Variants in RASGEF1A observed in about 807,000 individuals in gnomAD.
RASGEF1A encodes the protein ras-GEF domain-containing family member 1A.
Under a neutral mutation model 56.4 loss-of-function variants are expected in RASGEF1A, and 18 were observed. The ratio of observed to expected loss-of-function variants is 0.32; its 90% CI spans 0.22 to 0.47. RASGEF1A has a LOEUF of 0.47. RASGEF1A is among the 20% of genes least tolerant of loss of function. RASGEF1A has a pLI of 1.00. For synonymous variants in RASGEF1A, 245 were observed against 242.6 expected (o/e 1.01, Z -0.09); for missense variants, 422 against 627.1 (o/e 0.67, Z 3.49).
At chr10:43,236,049 T>C (rs1346818357) in intron 1 of RASGEF1A, among the ~76,000 whole-genome samples, 1 of 152,050 alleles carries the variant, frequency 6.6e-6, no homozygotes, top group Non-Finnish European at 1.5e-5. Context: ...GGACAGCACA[T>C]GGAAATAGGG....
chr10:43,242,698 G>A (rs945328997), intron 1 of RASGEF1A, among the ~76,000 whole-genome samples: 1 of 152,134 alleles, frequency 6.6e-6, no homozygotes, highest in Admixed American at 6.5e-5. Flanking sequence ...ACTCTTGACT[G>A]GTTTTTGTAT....
In RASGEF1A at chr10:43,257,345, C is replaced by T. The variant is rs543794186; in HGVS notation, c.-7+9500G>A. ...CTGGGCCCACTTGTGTCTAGACACC[C>T]CTCACCAGGTGGGCAGCTCATCAGC... is the stretch of plus-strand genomic sequence containing the variant. On this transcript the variant is annotated intron_variant, in intron 1 of 12. Transcript: ENST00000395810. 2.0e-5 allele frequency among the ~76,000 whole-genome samples: 3 copies of T among 152,368 alleles called. 1 individual carries two copies. In the South Asian group the frequency reaches 6.2e-4, roughly 32 times the overall value.
chr10:43,197,432 G>A lies in RASGEF1A; in HGVS notation c.1225-333C>T, dbSNP rs1050193731. Among the ~76,000 whole-genome samples, 10 of 152,282 alleles carry A rather than the reference G, an allele frequency of 6.6e-5. No individual in the cohort carries two copies. The East Asian group carries it at 1.5e-3, about 24-fold the overall frequency. On this transcript the variant is annotated intron_variant, in intron 10 of 12. Transcript: ENST00000395810. ...GCACCCCATCCAAACCCAGCCCAGC[G>A]GCGCCAACCAGAACGTGTCATGATG... is the stretch of plus-strand genomic sequence containing the variant.
chr10:43,247,082 T>C (rs1455712962), intron 1 of RASGEF1A, among the ~76,000 whole-genome samples: 1 of 152,242 alleles, frequency 6.6e-6, no homozygotes, highest in African/African-American at 2.4e-5. Context: ...GATAAAAAGA[T>C]AGCCCAGTTA....
At chr10:43,232,241 G>C (rs1840380003) in intron 1 of RASGEF1A, among the ~76,000 whole-genome samples, 1 of 152,162 alleles carries the variant, frequency 6.6e-6, no homozygotes, top group African/African-American at 2.4e-5. Flanking sequence ...CATCCCCTCG[G>C]TGCTATTCTC....
chr10:43,252,620 G>C (rs1453636576), intron 1 of RASGEF1A, among the ~76,000 whole-genome samples: 1 of 152,138 alleles, frequency 6.6e-6, no homozygotes, highest in African/African-American at 2.4e-5. Flanking sequence ...GTGACTGTGA[G>C]GCAGACACAG....
chr10:43,197,214 C>A (rs1040142472), intron 10 of RASGEF1A, 115 bp from the exon 11 acceptor site: 2 of 1,244,400 alleles, frequency 1.6e-6, no homozygotes, highest in South Asian at 1.4e-5. Flanking sequence ...CTGGTCCCAG[C>A]AAGATGGGAC....
At chr10:43,254,696 G>A (rs10899787) in intron 1 of RASGEF1A, among the ~76,000 whole-genome samples, 24,746 of 152,164 alleles carry the variant, frequency 0.16, 2,778 homozygotes, top group East Asian at 0.51. Flanking sequence ...AAGTCTCTGT[G>A]GTCACAGGCA....
chr10:43,251,602 C>T, intron 1 of RASGEF1A, among the ~76,000 whole-genome samples: 1 of 152,216 alleles, frequency 6.6e-6, no homozygotes, highest in African/African-American at 2.4e-5. Context: ...CCACAGCCCA[C>T]ACCACCTCAC....
At chr10:43,249,218 T>G (rs1840599646) in intron 1 of RASGEF1A, among the ~76,000 whole-genome samples, 1 of 152,206 alleles carries the variant, frequency 6.6e-6, no homozygotes. Flanking sequence ...AGCCAAGACC[T>G]GTAGCCATCT....
chr10:43,196,221 T>C lies in RASGEF1A; in HGVS notation c.*23A>G. 6.2e-7 allele frequency: 1 copy of C among 1,611,700 alleles called. No individual in the cohort carries two copies. Among genetic ancestry groups the C allele is most frequent in the South Asian group, 1.1e-5 (1 of 90,854 alleles). ...ACCCAGTTAGTGCACGTGCTTCCTCTGGCGTCGCGGGCTGCATCCGCCTCA... is the reference window on the plus strand; with the variant it reads ...ACCCAGTTAGTGCACGTGCTTCCTCCGGCGTCGCGGGCTGCATCCGCCTCA... On this transcript the variant is annotated 3_prime_UTR_variant, in exon 13 of 13. Transcript: ENST00000395810. This position sits in a 1 kb window ranked among gnomAD's most constrained non-coding sequence, Gnocchi z 4.6.
chr10:43,198,905 G>A (rs771447957), intron 9 of RASGEF1A, 28 bp downstream of exon 9: 4 of 1,571,144 alleles, frequency 2.5e-6, no homozygotes, highest in Admixed American at 1.8e-5. Flanking sequence ...GGTGCAGCTC[G>A]CAGCTGTGAC....
intron 1 of RASGEF1A, chr10:43,209,197 C>G: frequency 6.1e-6 from 6 of 985,444 alleles, no homozygotes; most frequent in Non-Finnish European, 7.2e-6. Context: ...CACCGATGGC[C>G]AGGGTGCTGA....
intron 7 of RASGEF1A, 114 bp downstream of exon 7, chr10:43,199,562 G>A: frequency 1.2e-6 from 1 of 830,474 alleles, no homozygotes; most frequent in Non-Finnish European, 2.0e-6. Flanking sequence ...CAATGCAACA[G>A]GGACTTTGTG....
intron 2 of RASGEF1A, 135 bp from the exon 3 acceptor site, chr10:43,203,555 G>C: frequency 7.3e-7 from 1 of 1,368,658 alleles, no homozygotes; most frequent in Admixed American, 3.1e-5. Context: ...TCACCTGCCC[G>C]GTTCCCTTCG....
rs117051084 is a variant in RASGEF1A, at chr10:43,245,395, T to C, written c.-7+21450A>G. On this transcript the variant is annotated intron_variant, in intron 1 of 12. Transcript: ENST00000395810. ...ATCCCTTACAATGTCCTTCAAAAAA[T>C]AGAATACAAAGCACTAACCAATTCA... Among the ~76,000 whole-genome samples, 1,290 of 152,236 alleles carry C rather than the reference T, an allele frequency of 8.5e-3. 11 individuals carry two copies. The highest frequency in any genetic ancestry group is 0.013 in the Admixed American group (201 of 15,288).
chr10:43,255,239 C>T (rs924262735), intron 1 of RASGEF1A, among the ~76,000 whole-genome samples: 1 of 152,200 alleles, frequency 6.6e-6, no homozygotes, highest in African/African-American at 2.4e-5. Flanking sequence ...GCCCCAGCGC[C>T]CTCCAGGCCC....
rs1454990780 is a variant in RASGEF1A, at chr10:43,267,064, G to A, written c.-226C>T. 8 of 150,906 alleles carry A rather than the reference G, an allele frequency of 5.3e-5. No homozygotes were observed. The highest frequency in any genetic ancestry group is 1.5e-4 in the African/African-American group (6 of 41,244). The allele number at this position is 150,906 out of a possible 1,614,324, so 9.3% of individuals were successfully genotyped here. On this transcript the variant is annotated 5_prime_UTR_variant, in exon 1 of 13. Transcript: ENST00000395810. Reference sequence around the variant, plus strand: ...GAGCGAGCGAACGAGCGAGCGCGGAGCGAGCGCCGAGCGGGCACGGAGCGG... The same window carrying A: ...GAGCGAGCGAACGAGCGAGCGCGGAACGAGCGCCGAGCGGGCACGGAGCGG...
intron 1 of RASGEF1A, among the ~76,000 whole-genome samples, chr10:43,262,373 C>T (rs866625503): frequency 6.6e-5 from 10 of 152,186 alleles, no homozygotes; most frequent in Non-Finnish European, 1.5e-4. Flanking sequence ...AAACAGGGTG[C>T]TGGCCTCCCA....
Sources: gnomAD v4.1 joint callset for allele counts (sites outside exome capture counted in the v4.1 genomes callset) on GRCh38, gnomAD v4.1.1 for gene constraint, Gnocchi (gnomAD v3.1) non-coding constraint, MANE v1.5 for transcripts, NCBI Gene and HGNC (gene_info 2026-07-23, HGNC 2026-07-21) for gene names.